SELENBP1: variants seen among roughly 807,000 people sequenced by gnomAD.
SELENBP1 encodes the protein methanethiol oxidase.
A neutral mutation model predicts 61.0 loss-of-function variants in SELENBP1; 71 were observed. The ratio of observed to expected loss-of-function variants is 1.16; its 90% CI spans 0.96 to 1.42. The LOEUF (loss-of-function observed/expected upper bound fraction) is 1.42, where lower values mean the gene tolerates loss of function less well. SELENBP1 is among the 40% of genes most tolerant of loss of function. The probability of loss-of-function intolerance (pLI) is 0.00; values close to 1 mark genes in which losing one functional copy is unlikely to be tolerated. For synonymous variants in SELENBP1, 270 were observed against 238.9 expected (o/e 1.13, Z -1.20); for missense variants, 561 against 605.0 (o/e 0.93, Z 0.76).
At chr1:151,369,378 G>C (rs1652030516) in intron 3 of SELENBP1, 64 bp downstream of exon 3, 1 of 1,498,744 alleles carries the variant, frequency 6.7e-7, no homozygotes, top group Admixed American at 1.9e-5. Flanking sequence ...GGAAGGGGGG[G>C]CCCAGGGCCA....
rs368030000 is a variant in SELENBP1 at position 151,364,973 on chromosome 1, C to T, written c.1209G>A (p.Thr403=). ...GCTTGTCCCAGGCACTGTACAGCGA[C>T]GTGGTGATGTAGAGGCGCTTCCCAT... The part of the protein sequence containing the change: ...SLDGKRLYIT[T]SLYSAWDKQF... Residue 403 remains threonine (T), a synonymous_variant, in exon 11 of 12, where the codon ACG becomes ACA. Transcript: ENST00000368868. The T allele has an allele frequency of 7.0e-5, 113 of 1,613,836 alleles. No individual in the cohort carries two copies. The Middle Eastern group carries it at 1.2e-3, about 16-fold the overall frequency.
In SELENBP1 at chr1:151,366,826, C is replaced by A. The variant is rs1651849725; in HGVS notation, c.560G>T (p.Gly187Val). Residue 187 changes from glycine (G) to valine (V), a missense_variant, in exon 6 of 12, where the codon GGC (glycine) becomes GTC (valine). By Grantham distance (109) the Gly-to-Val change is moderately radical (BLOSUM62 -3). Coordinates refer to ENST00000368868, the MANE Select transcript of SELENBP1 (RefSeq NM_003944.4). ...WERPGGAAPL[G>V]YDFWYQPRHN... The stretch of plus-strand genomic sequence containing the variant: ...TCGAGGCTGGTACCAGAAGTCATAG[C>A]CCAACGGTGCAGCACCCCCAGGTCT... 3.1e-6 allele frequency: 5 copies of A among 1,614,136 alleles called. No homozygotes were observed. The highest frequency in any genetic ancestry group is 4.2e-6 in the Non-Finnish European group (5 of 1,180,022).
Position 151,366,763 on chromosome 1 carries a change from T to A in SELENBP1, c.623A>T (p.Asn208Ile). ...GGGGTTGAAGCCATCTCGTAAGACA[T>A]TGGGAGCTGCCCACTCAGTGCTGAT... ...VMISTEWAAP[N>I]VLRDGFNPAD... Residue 208 changes from asparagine to isoleucine, a missense_variant, in exon 6 of 12, where the codon AAT (asparagine) becomes ATT (isoleucine). Asn to Ile is a moderately radical substitution (Grantham distance 149). Transcript: ENST00000368868. The A allele has an allele frequency of 6.2e-7, 1 of 1,614,046 alleles. No homozygotes were observed. Among genetic ancestry groups the A allele is most frequent in the Non-Finnish European group, 8.5e-7 (1 of 1,179,996 alleles).
chr1:151,369,559 A>C lies in SELENBP1; in HGVS notation c.62-5T>G. ...AGACGATCTCTTCCCTGGGTCCTGC[A>C]CGGTAGAAAGCAGGCAGCAGGGACG... is the stretch of plus-strand genomic sequence containing the variant. On this transcript the variant is annotated splice_polypyrimidine_tract_variant and splice_region_variant and intron_variant, in intron 2 of 11. Coordinates refer to ENST00000368868, the MANE Select transcript of SELENBP1 (RefSeq NM_003944.4). 1 of 1,600,918 alleles carries C rather than the reference A, an allele frequency of 6.2e-7. No homozygotes were observed. The highest frequency in any genetic ancestry group is 1.1e-5 in the South Asian group (1 of 88,524).
Position 151,369,112 on chromosome 1 carries a change from G to A in SELENBP1, c.252C>T (p.Phe84=), listed in dbSNP as rs761764152. The change falls in exon 4 of 12, where the codon TTC becomes TTT. Residue 84 remains phenylalanine (F), a synonymous_variant. Coordinates refer to ENST00000368868, the MANE Select transcript of SELENBP1 (RefSeq NM_003944.4). ...HSGWNTCSSC[F]GDSTKSRTKL... is the part of the protein sequence containing the mutation. The stretch of plus-strand genomic sequence containing the variant: ...TGGTGCGCGACTTGGTGCTATCACC[G>A]AAGCAGCTGCTGCAGGTGTTCCATC... 1.2e-5 allele frequency: 19 copies of A among 1,613,936 alleles called. No homozygotes were observed. Among genetic ancestry groups the A allele is most frequent in the South Asian group, 5.5e-5 (5 of 91,088 alleles).
intron 1 of SELENBP1, chr1:151,370,046 G>C: frequency 7.1e-7 from 1 of 1,402,320 alleles, no homozygotes; most frequent in Non-Finnish European, 9.4e-7. Context: ...AGCCGGGGTC[G>C]TGTGGTGTAG....
chr1:151,365,680 C>A lies in SELENBP1; in HGVS notation c.927G>T (p.Leu309=). The change falls in exon 9 of 12, where the codon CTG becomes CTT. Residue 309 remains leucine (L), a synonymous_variant. Transcript: ENST00000368868. ...CCAGGGAGAGCAGGATGTCGGTGAT[C>A]AGGCCTGTGGGCAGGGGGCGAGTAG... The part of the protein sequence containing the change: ...KGWLLPEMPG[L]ITDILLSLDD... 1.2e-6 allele frequency: 2 copies of A among 1,614,178 alleles called. No individual in the cohort carries two copies. Among genetic ancestry groups the A allele is most frequent in the Non-Finnish European group, 1.7e-6 (2 of 1,180,022 alleles).
At chr1:151,366,573 G>C (rs986140154) in intron 6 of SELENBP1, 120 bp from the exon 7 acceptor site, 1 of 1,413,514 alleles carries the variant, frequency 7.1e-7, no homozygotes, top group Non-Finnish European at 9.7e-7. Context: ...TCAGGAAGAC[G>C]CTTGAGCAAT....
Position 151,366,314 on chromosome 1 carries a change from G to C in SELENBP1, c.804C>G (p.Cys268Trp), listed in dbSNP as rs752332087. The change falls in exon 7 of 12, where the codon TGC becomes TGG. Residue 268 changes from cysteine (C) to tryptophan (W), a missense_variant. Transcript: ENST00000368868. ...NPDAAQGFVGCALSSTIQRFY... is the reference protein window; with the variant it reads ...NPDAAQGFVGWALSSTIQRFY... ...AGCGCTGGATGGTGGAGCTGAGTGC[G>C]CAGCCCACAAAGCCTTGGGCAGCGT... 6.2e-7 allele frequency: 1 copy of C among 1,613,978 alleles called. No homozygotes were observed. The highest frequency in any genetic ancestry group is 8.5e-7 in the Non-Finnish European group (1 of 1,180,022).
Position 151,366,828 on chromosome 1 carries a change from C to T in SELENBP1, c.558G>A (p.Leu186=). 1 of 1,614,140 alleles carries T rather than the reference C, an allele frequency of 6.2e-7. No individual in the cohort carries two copies. The highest frequency in any genetic ancestry group is 8.5e-7 in the Non-Finnish European group (1 of 1,180,036). The change falls in exon 6 of 12, where the codon TTG becomes TTA. Residue 186 remains leucine, a synonymous_variant. Coordinates refer to ENST00000368868, the MANE Select transcript of SELENBP1 (RefSeq NM_003944.4). ...GAGGCTGGTACCAGAAGTCATAGCC[C>T]AACGGTGCAGCACCCCCAGGTCTCT... ...TWERPGGAAP[L]GYDFWYQPRH...
Position 151,366,368 on chromosome 1 carries a change from G to A in SELENBP1, c.750C>T (p.Pro250=), listed in dbSNP as rs1651818955. ...GGTTGTGCAGGAAGCGGATCTCCAA[G>A]GGAATAAGCCCATCTTTTAGAGACA... ...QTLSLKDGLI[P]LEIRFLHNPD... The change falls in exon 7 of 12, where the codon CCC becomes CCT. Residue 250 remains proline, a synonymous_variant. Transcript: ENST00000368868. 6.2e-7 allele frequency: 1 copy of A among 1,614,054 alleles called. No homozygotes were observed. The highest frequency in any genetic ancestry group is 8.5e-7 in the Non-Finnish European group (1 of 1,180,032).
chr1:151,369,948 G>A lies in SELENBP1; in HGVS notation c.5-179C>T, dbSNP rs1172736808. Reference sequence around the variant, plus strand: ...CCCTCAGAGCCCTGAGGAGGGTGAGGTTGTGCTGGGAAGAGCTGGAGACAC... The same window carrying A: ...CCCTCAGAGCCCTGAGGAGGGTGAGATTGTGCTGGGAAGAGCTGGAGACAC... On this transcript the variant is annotated intron_variant, in intron 1 of 11. Transcript: ENST00000368868. The A allele has an allele frequency of 6.0e-6, 9 of 1,500,668 alleles. No homozygotes were observed. In the East Asian group the frequency reaches 1.5e-4, roughly 25 times the overall value. 93.0% of individuals were successfully genotyped at this position (1,500,668 alleles called of 1,614,324 possible). A position where few individuals can be genotyped will look rare whatever the true frequency, so the allele number is the denominator to read the frequency against.
chr1:151,368,917 T>C, intron 4 of SELENBP1, 87 bp downstream of exon 4: 1 of 1,386,060 alleles, frequency 7.2e-7, no homozygotes, highest in Non-Finnish European at 9.9e-7. Flanking sequence ...TGGAGGCTGC[T>C]GGTTTAGGTC....
intron 1 of SELENBP1, among the ~76,000 whole-genome samples, chr1:151,372,148 G>C (rs1429114693): frequency 6.6e-6 from 1 of 152,088 alleles, no homozygotes; most frequent in East Asian, 1.9e-4. Context: ...CAGTGAAAGA[G>C]TGTGGGGGTC....
In SELENBP1 at chr1:151,369,190, C is replaced by A; in HGVS notation, c.175-1G>T. 6.2e-7 allele frequency: 1 copy of A among 1,607,236 alleles called. No homozygotes were observed. The highest frequency in any genetic ancestry group is 8.5e-7 in the Non-Finnish European group (1 of 1,174,688). Reference sequence around the variant, plus strand: ...TGGGCATGGGCAGCCGGTGGATGACCTAGGATGCGGGGAGAGGTGGTGCTC... The same window carrying A: ...TGGGCATGGGCAGCCGGTGGATGACATAGGATGCGGGGAGAGGTGGTGCTC... On this transcript the variant is annotated splice_acceptor_variant, in intron 3 of 11. Transcript: ENST00000368868. LOFTEE classifies it high-confidence loss of function.
At chr1:151,367,108 T>C (rs914606750) in intron 5 of SELENBP1, 6 of 1,345,124 alleles carry the variant, frequency 4.5e-6, no homozygotes, top group African/African-American at 4.4e-5. Context: ...TTTGAGAGGC[T>C]GAGGCGGGCG....
At position 151,364,351 on chromosome 1, in the gene SELENBP1, T is replaced by A; in HGVS notation, c.*192A>T. The A allele has an allele frequency of 1.5e-6, 1 of 657,448 alleles. No homozygotes were observed. Among genetic ancestry groups the A allele is most frequent in the Non-Finnish European group, 2.6e-6 (1 of 386,614 alleles). The allele number at this position is 657,448 out of a possible 1,614,324, so 40.7% of individuals were successfully genotyped here. ...ATTTCTTGGTGCCTCCAAGAGCTCA[T>A]GGAAAAGCAGCACAGTGAGCAACAA... On this transcript the variant is annotated 3_prime_UTR_variant, in exon 12 of 12. Coordinates refer to ENST00000368868, the MANE Select transcript of SELENBP1 (RefSeq NM_003944.4).
At position 151,366,703 on chromosome 1, in the gene SELENBP1, C is replaced by T; in HGVS notation, c.664+19G>A. The T allele has an allele frequency of 6.2e-7, 1 of 1,610,054 alleles. No homozygotes were observed. The highest frequency in any genetic ancestry group is 8.5e-7 in the Non-Finnish European group (1 of 1,177,076). ...GATGTAGGCCCAAGGCTCCTGCTGG[C>T]ACATGGGGGGATTCTCACCAGCCTC... On this transcript the variant is annotated intron_variant, in intron 6 of 11. Coordinates refer to ENST00000368868, the MANE Select transcript of SELENBP1 (RefSeq NM_003944.4).
At chr1:151,370,535 C>T (rs1349313017) in intron 1 of SELENBP1, among the ~76,000 whole-genome samples, 1 of 152,168 alleles carries the variant, frequency 6.6e-6, no homozygotes, top group African/African-American at 2.4e-5. Context: ...CTGGAGAGCC[C>T]AGAGGCCTGC....
Sources: allele counts gnomAD v4.1 joint callset (sites outside exome capture counted in the v4.1 genomes callset), GRCh38; gene constraint gnomAD v4.1.1; transcripts MANE v1.5; gene names NCBI Gene and HGNC (gene_info 2026-07-23, HGNC 2026-07-21).